FGFRL1: variants seen among roughly 807,000 people sequenced by gnomAD.
The protein encoded by FGFRL1 is fibroblast growth factor receptor-like 1.
Under a neutral mutation model 36.8 loss-of-function variants are expected in FGFRL1, and 24 were observed. The ratio of observed to expected loss-of-function variants is 0.65; its 90% CI spans 0.47 to 0.92. FGFRL1 has a LOEUF of 0.92. Ranked by LOEUF, FGFRL1 falls within the 40% of genes least tolerant of loss-of-function variation. The pLI is 0.00. For missense variants in FGFRL1, 785 were observed against 753.4 expected, an observed-to-expected ratio of 1.04 and a Z score of -0.49; for synonymous variants, 422 against 344.1, an observed-to-expected ratio of 1.23 and a Z score of -2.50.
rs781580876 is a variant in FGFRL1 at position 1,024,486 on chromosome 4, G to A, written c.894G>A (p.Val298=). The change falls in exon 6 of 7, where the codon GTG becomes GTA. Residue 298 remains valine (V), a synonymous_variant. Coordinates refer to ENST00000510644, the MANE Select transcript of FGFRL1 (RefSeq NM_001004356.3). ...AEGRHNSTID[V]GGQKFVVLPT... is the part of the protein sequence containing the mutation. The stretch of plus-strand genomic sequence containing the variant: ...GCCGCCACAACTCCACCATCGATGT[G>A]GGCGGCCAGAAGTTTGTGGTGCTGC... 35 of 1,612,406 alleles carry A rather than the reference G, an allele frequency of 2.2e-5. No homozygotes were observed. In the Admixed American group the frequency reaches 2.8e-4, roughly 13 times the overall value.
chr4:1,013,257 G>A (rs995880712), intron 2 of FGFRL1, among the ~76,000 whole-genome samples: 7 of 152,264 alleles, frequency 4.6e-5, no homozygotes, highest in Non-Finnish European at 7.3e-5. Context: ...ATCCGGAGCC[G>A]ATGGGTGACG....
Position 1,025,692 on chromosome 4 carries a change from A to C in FGFRL1, c.*345A>C. ...ACATACAAGGACATGCTGCCTGAAC[A>C]TACACACGCACACCCATGCGCAGAT... On this transcript the variant is annotated 3_prime_UTR_variant, in exon 7 of 7. Transcript: ENST00000510644. 1 of 394,380 alleles carries C rather than the reference A, an allele frequency of 2.5e-6. No homozygotes were observed. 24.4% of individuals were successfully genotyped at this position (394,380 alleles called of 1,614,324 possible). A position where few individuals can be genotyped will look rare whatever the true frequency, so the allele number is the denominator to read the frequency against.
chr4:1,011,890 C>A lies in FGFRL1; in HGVS notation c.-81C>A, dbSNP rs1294490580. 7.6e-5 allele frequency: 11 copies of A among 145,426 alleles called. No homozygotes were observed. The highest frequency in any genetic ancestry group is 3.1e-5 in the Non-Finnish European group (2 of 65,522). 9.0% of individuals were successfully genotyped at this position (145,426 alleles called of 1,614,324 possible). ...GATGCGGCGCCCGGGGCGGCGATGA[C>A]CGCGGAGCGCACGCCGCGGGCCCGG... On this transcript the variant is annotated 5_prime_UTR_variant, in exon 1 of 7. Transcript: ENST00000510644.
chr4:1,017,744 T>C (rs1416198131), intron 2 of FGFRL1, among the ~76,000 whole-genome samples: 4 of 152,180 alleles, frequency 2.6e-5, no homozygotes, highest in African/African-American at 7.2e-5. Context: ...TCTCTCCCTG[T>C]GCTGAGGGCT....
intron 2 of FGFRL1, among the ~76,000 whole-genome samples, 192 bp downstream of exon 2, chr4:1,012,756 C>T (rs2153024902): frequency 6.6e-6 from 1 of 152,382 alleles, no homozygotes; most frequent in Admixed American, 6.5e-5. Context: ...CGGGGCTCCC[C>T]TAGCTGGCTG....
chr4:1,016,718 G>A (rs1403496205), intron 2 of FGFRL1, among the ~76,000 whole-genome samples: 1 of 152,168 alleles, frequency 6.6e-6, no homozygotes, highest in Non-Finnish European at 1.5e-5. Context: ...GACTGTGTGT[G>A]CCCTGGGTCT....
In FGFRL1 at chr4:1,015,759, C is replaced by T. The variant is rs180986006; in HGVS notation, c.79+3195C>T. 8.5e-5 allele frequency among the ~76,000 whole-genome samples: 13 copies of T among 152,364 alleles called. No homozygotes were observed. The East Asian group carries it at 2.3e-3, about 27-fold the overall frequency. On this transcript the variant is annotated intron_variant, in intron 2 of 6. Coordinates refer to ENST00000510644, the MANE Select transcript of FGFRL1 (RefSeq NM_001004356.3). The stretch of plus-strand genomic sequence containing the variant: ...GGGGCCCGCTGGGCACGGTGACACC[C>T]TCTGGGCTTCTAAGACTGAGCCCCA...
intron 2 of FGFRL1, among the ~76,000 whole-genome samples, chr4:1,019,719 G>T (rs1231649759): frequency 6.6e-6 from 1 of 152,206 alleles, no homozygotes; most frequent in Non-Finnish European, 1.5e-5. Context: ...CCGGGGAGCT[G>T]CAGGGAGGGT....
At chr4:1,015,058 G>A (rs529158578) in intron 2 of FGFRL1, among the ~76,000 whole-genome samples, 1 of 14,802 alleles carries the variant, frequency 6.8e-5, no homozygotes, top group Non-Finnish European at 1.5e-4. Flanking sequence ...CCCCTGGCTT[G>A]CCCAGCCCTG....
upstream of FGFRL1, chr4:1,010,929 G>A (rs969636070): frequency 6.6e-6 from 1 of 152,264 alleles, no homozygotes; most frequent in East Asian, 1.9e-4. Context: ...ACTAGCAGGT[G>A]AGAGGCTGGG....
rs1450640647 is a variant in FGFRL1 at position 1,022,341 on chromosome 4, G to T, written c.218G>T (p.Gly73Val). 6.2e-7 allele frequency: 1 copy of T among 1,604,210 alleles called. No homozygotes were observed. The highest frequency in any genetic ancestry group is 8.5e-7 in the Non-Finnish European group (1 of 1,176,608). ...AAGGATGGCCGCACCATCCACAGCG[G>T]CTGGAGCCGCTTCCGCGTGCTGCCG... Reference protein sequence around the residue: ...WTKDGRTIHSGWSRFRVLPQG... With the variant: ...WTKDGRTIHSVWSRFRVLPQG... The change falls in exon 3 of 7, where the codon GGC (glycine) becomes GTC (valine). Residue 73 changes from glycine (G) to valine (V), a missense_variant. By Grantham distance (109) the Gly-to-Val change is moderately radical. Coordinates refer to ENST00000510644, the MANE Select transcript of FGFRL1 (RefSeq NM_001004356.3).
intron 2 of FGFRL1, among the ~76,000 whole-genome samples, chr4:1,021,237 C>T (rs1182236101): frequency 6.6e-6 from 1 of 151,702 alleles, no homozygotes; most frequent in Non-Finnish European, 1.5e-5. Context: ...GGGGTGGGTT[C>T]CTTTCTGCCA....
chr4:1,014,653 G>A (rs1464068503), intron 2 of FGFRL1, among the ~76,000 whole-genome samples: 1 of 152,216 alleles, frequency 6.6e-6, no homozygotes, highest in Non-Finnish European at 1.5e-5. Flanking sequence ...AGCAATAGCC[G>A]TGGGTGTACG....
chr4:1,021,308 C>G (rs1716166919), intron 2 of FGFRL1, among the ~76,000 whole-genome samples: 2 of 152,040 alleles, frequency 1.3e-5, no homozygotes, highest in South Asian at 2.1e-4. Context: ...TGGGATGGTG[C>G]AGGTGGCCAT....
rs757861533 is a variant in FGFRL1 at position 1,024,585 on chromosome 4, C to T, written c.993C>T (p.Asp331=). 86 of 1,612,290 alleles carry T rather than the reference C, an allele frequency of 5.3e-5. No individual in the cohort carries two copies. Among genetic ancestry groups the T allele is most frequent in the Middle Eastern group, 1.6e-4 (1 of 6,080 alleles). ...NKLLITRARQ[D]DAGMYICLGA... ...TGCTCATCACCCGTGCCCGCCAGGA[C>T]GATGCGGGCATGTACATCTGCCTTG... Residue 331 remains aspartate, a synonymous_variant, in exon 6 of 7, where the codon GAC becomes GAT. Coordinates refer to ENST00000510644, the MANE Select transcript of FGFRL1 (RefSeq NM_001004356.3).
At chr4:1,018,906 G>A (rs867701654) in intron 2 of FGFRL1, among the ~76,000 whole-genome samples, 1 of 152,168 alleles carries the variant, frequency 6.6e-6, no homozygotes, top group Non-Finnish European at 1.5e-5. Context: ...GGGTGGGATA[G>A]GCCTGGCGAG....
chr4:1,024,115 C>G lies in FGFRL1; in HGVS notation c.718+14C>G. The G allele has an allele frequency of 7.5e-7, 1 of 1,339,914 alleles. No homozygotes were observed. The highest frequency in any genetic ancestry group is 9.8e-7 in the Non-Finnish European group (1 of 1,018,024). 83.0% of individuals were successfully genotyped at this position (1,339,914 alleles called of 1,614,324 possible). On this transcript the variant is annotated intron_variant, in intron 5 of 6. Transcript: ENST00000510644. ...TGGATGTGATCCGTGAGTGTGGCCCCGGGCGCTGGCGGGCGGGGGGTGCTG... is the reference window on the plus strand; with the variant it reads ...TGGATGTGATCCGTGAGTGTGGCCCGGGGCGCTGGCGGGCGGGGGGTGCTG...
rs1715589730 is a variant in FGFRL1 at position 1,011,682 on chromosome 4, TCGCCCCGC to T, written c.-281_-274del. 7.9e-6 allele frequency: 1 copy of T among 127,246 alleles called. No individual in the cohort carries two copies. The highest frequency in any genetic ancestry group is 2.8e-5 in the African/African-American group (1 of 35,218). The allele number at this position is 127,246 out of a possible 1,614,324, so 7.9% of individuals were successfully genotyped here. On this transcript the variant is annotated 5_prime_UTR_variant, in exon 1 of 7. Transcript: ENST00000510644. Reference sequence around the variant, plus strand: ...CTCGCGGCGCGGCGCCCCGGGCCCCTCGCCCCGCCGCCCCGGGATCCCGGCCCCGGCCC... The same window carrying T: ...CTCGCGGCGCGGCGCCCCGGGCCCCTCGCCCCGGGATCCCGGCCCCGGCCC...
chr4:1,014,169 G>T (rs907771942), intron 2 of FGFRL1, among the ~76,000 whole-genome samples: 5 of 152,152 alleles, frequency 3.3e-5, no homozygotes, highest in African/African-American at 1.2e-4. Context: ...ATTTCCCGCT[G>T]GGTCATAAGT....
Sources: allele counts gnomAD v4.1 joint callset (sites outside exome capture counted in the v4.1 genomes callset), GRCh38; gene constraint gnomAD v4.1.1; transcripts MANE v1.5; gene names NCBI Gene and HGNC (gene_info 2026-07-23, HGNC 2026-07-21).